The following TGM6 variants were observed in gnomAD, a reference collection of about 807,000 sequenced individuals.
TGM6 encodes protein-glutamine gamma-glutamyltransferase 6.
TGM6 carries 74 observed loss-of-function variants against 77.5 expected under a neutral mutation model. That is an observed-to-expected ratio of 0.96 (90% CI 0.79 to 1.16). The LOEUF (loss-of-function observed/expected upper bound fraction) is 1.16, where lower values mean the gene tolerates loss of function less well. TGM6 is among the 50% of genes most tolerant of loss of function. The probability of loss-of-function intolerance (pLI) is 0.00; values close to 1 mark genes in which losing one functional copy is unlikely to be tolerated. For synonymous variants in TGM6, 383 were observed against 378.9 expected, an observed-to-expected ratio of 1.01 and a Z score of -0.12; for missense variants, 968 against 940.2, an observed-to-expected ratio of 1.03 and a Z score of -0.39.
intron 10 of TGM6, 71 bp from the exon 11 acceptor site, chr20:2,430,375 C>T: frequency 6.3e-7 from 1 of 1,586,150 alleles, no homozygotes; most frequent in Non-Finnish European, 8.7e-7. Context: ...GTTGTGCATT[C>T]CCTTCCTTCT....
At chr20:2,381,735 G>C (rs1031935113) in intron 1 of TGM6, among the ~76,000 whole-genome samples, 1 of 152,108 alleles carries the variant, frequency 6.6e-6, no homozygotes, top group Non-Finnish European at 1.5e-5. Context: ...TGGGCAATGT[G>C]GCAAAACCCC....
At chr20:2,404,161 G>T (rs2084734161) in intron 9 of TGM6, among the ~76,000 whole-genome samples, 2 of 152,138 alleles carry the variant, frequency 1.3e-5, no homozygotes, top group South Asian at 4.1e-4. Flanking sequence ...ATAGTAGCAG[G>T]TATTATTTAT....
chr20:2,417,278 G>C lies in TGM6; in HGVS notation c.1383G>C (p.Leu461=). 4 of 1,610,772 alleles carry C rather than the reference G, an allele frequency of 2.5e-6. No homozygotes were observed. The highest frequency in any genetic ancestry group is 2.5e-6 in the Non-Finnish European group (3 of 1,178,658). The change falls in exon 10 of 13, where the codon CTG becomes CTC. Residue 461 remains leucine (L), a synonymous_variant. Transcript: ENST00000202625. ...TGTACAGCAAGGCGGTGAACAGGCT[G>C]TTCGGCGTGGAAGCCTCTGGAAGGA... ...RQVYSKAVNR[L]FGVEASGRRI...
intron 3 of TGM6, 110 bp downstream of exon 3, chr20:2,395,546 C>T: frequency 6.3e-7 from 1 of 1,587,710 alleles, no homozygotes; most frequent in Non-Finnish European, 8.6e-7. Context: ...AAGCTGAATG[C>T]CAAGAGCTGG....
intron 9 of TGM6, among the ~76,000 whole-genome samples, chr20:2,405,976 CT>C (rs2122381707): frequency 6.6e-6 from 1 of 152,276 alleles, no homozygotes; most frequent in South Asian, 2.1e-4. Context: ...ACCAACTTCC[CT>C]TTCTGTAGGC....
intron 1 of TGM6, among the ~76,000 whole-genome samples, chr20:2,387,379 C>T (rs1310586997): frequency 6.6e-6 from 1 of 152,194 alleles, no homozygotes; most frequent in African/African-American, 2.4e-5. Context: ...ACTGTTGTTC[C>T]AGCTCGTGCC....
At chr20:2,385,977 A>G (rs1430878056) in intron 1 of TGM6, among the ~76,000 whole-genome samples, 1 of 152,214 alleles carries the variant, frequency 6.6e-6, no homozygotes, top group African/African-American at 2.4e-5. Flanking sequence ...CTGATCACAG[A>G]TAAGGGACAG....
chr20:2,426,798 A>G (rs1367350249), intron 10 of TGM6, among the ~76,000 whole-genome samples: 1 of 152,098 alleles, frequency 6.6e-6, no homozygotes, highest in East Asian at 1.9e-4. Context: ...TGTTGATTTG[A>G]TGGACTATAT....
intron 7 of TGM6, among the ~76,000 whole-genome samples, chr20:2,400,906 G>A (rs2084704485): frequency 6.6e-6 from 1 of 152,114 alleles, no homozygotes; most frequent in Non-Finnish European, 1.5e-5. Flanking sequence ...AGGCACGGTG[G>A]CTCACACCTG....
intron 1 of TGM6, among the ~76,000 whole-genome samples, chr20:2,388,490 G>A (rs1272131330): frequency 1.3e-5 from 2 of 152,102 alleles, no homozygotes; most frequent in Non-Finnish European, 2.9e-5. Context: ...TGTAACTCTG[G>A]GTCATGTGCA....
In TGM6 at chr20:2,403,460, C is replaced by G; in HGVS notation, c.1053C>G (p.Gly351=). 6.2e-7 allele frequency: 1 copy of G among 1,614,180 alleles called. No individual in the cohort carries two copies. Among genetic ancestry groups the G allele is most frequent in the Non-Finnish European group, 8.5e-7 (1 of 1,180,044 alleles). Residue 351 remains glycine (G), a synonymous_variant, in exon 8 of 13, where the codon GGC becomes GGG. Coordinates refer to ENST00000202625, the MANE Select transcript of TGM6 (RefSeq NM_198994.3). Reference sequence around the variant, plus strand: ...AGGACCTAGGCCCCTCTTACAATGGCTGGCAGGTTCTGGATGCCACCCCCC... The same window carrying G: ...AGGACCTAGGCCCCTCTTACAATGGGTGGCAGGTTCTGGATGCCACCCCCC... ...ARQDLGPSYN[G]WQVLDATPQE... is the part of the protein sequence containing the mutation.
chr20:2,401,986 C>G (rs1002271816), intron 7 of TGM6, among the ~76,000 whole-genome samples: 1 of 152,054 alleles, frequency 6.6e-6, no homozygotes, highest in Non-Finnish European at 1.5e-5. Context: ...ACCTGTAATC[C>G]CAACACTTTG....
chr20:2,406,947 T>C (rs2084756769), intron 9 of TGM6, among the ~76,000 whole-genome samples: 1 of 149,248 alleles, frequency 6.7e-6, no homozygotes, highest in South Asian at 2.2e-4. Flanking sequence ...GGCTGTGGGC[T>C]GGCCATTTTC....
chr20:2,396,081 G>A (rs1269764817), intron 3 of TGM6, among the ~76,000 whole-genome samples: 5 of 151,780 alleles, frequency 3.3e-5, no homozygotes, highest in Non-Finnish European at 4.4e-5. Flanking sequence ...TCGGGAGGCT[G>A]AGGTAGGAGA....
intron 10 of TGM6, among the ~76,000 whole-genome samples, chr20:2,420,436 T>C (rs889390201): frequency 1.3e-5 from 2 of 152,206 alleles, no homozygotes; most frequent in African/African-American, 4.8e-5. Context: ...CTTGCTTTAG[T>C]GTGGTACATT....
intron 10 of TGM6, among the ~76,000 whole-genome samples, chr20:2,429,395 G>A (rs909026598): frequency 2.0e-5 from 3 of 151,670 alleles, no homozygotes; most frequent in Non-Finnish European, 1.5e-5. Flanking sequence ...TAGAACAATA[G>A]GGAATGAGAG....
At chr20:2,401,068 C>A (rs1369874778) in intron 7 of TGM6, among the ~76,000 whole-genome samples, 1 of 151,668 alleles carries the variant, frequency 6.6e-6, no homozygotes, top group Non-Finnish European at 1.5e-5. Context: ...AGCCAAGCAT[C>A]GTGGCAGGCG....
chr20:2,396,721 A>G (rs2084671154), intron 4 of TGM6, 97 bp downstream of exon 4: 1 of 1,139,870 alleles, frequency 8.8e-7, no homozygotes, highest in Non-Finnish European at 1.3e-6. Flanking sequence ...CTCAGGAGGG[A>G]CAAGGGGGGC....
Position 2,432,656 on chromosome 20 carries a change from G to A in TGM6, c.*13G>A. On this transcript the variant is annotated 3_prime_UTR_variant, in exon 13 of 13. Transcript: ENST00000202625. ...CACTGCCAAGTGATGGATCATGAGG[G>A]ACTGAGAGGGGTGGATTTGGCCCCT... 6.2e-7 allele frequency: 1 copy of A among 1,614,070 alleles called. No homozygotes were observed. The highest frequency in any genetic ancestry group is 8.5e-7 in the Non-Finnish European group (1 of 1,179,998).
Sources: allele counts gnomAD v4.1 joint callset (sites outside exome capture counted in the v4.1 genomes callset), GRCh38; gene constraint gnomAD v4.1.1; transcripts MANE v1.5; gene names NCBI Gene and HGNC (gene_info 2026-07-23, HGNC 2026-07-21).